Variants in ANAPC4 observed in about 807,000 individuals in gnomAD.
The protein encoded by ANAPC4 is anaphase-promoting complex subunit 4.
A neutral mutation model predicts 119.8 loss-of-function variants in ANAPC4; 63 were observed. That is an observed-to-expected ratio of 0.53 (90% CI 0.43 to 0.65). The LOEUF is 0.65. Ranked by LOEUF, ANAPC4 falls within the 30% of genes least tolerant of loss-of-function variation. The probability of loss-of-function intolerance (pLI) is 0.00; values close to 1 mark genes in which losing one functional copy is unlikely to be tolerated. For missense variants in ANAPC4, 716 were observed against 945.1 expected, an observed-to-expected ratio of 0.76 and a Z score of 3.18; for synonymous variants, 283 against 318.6, an observed-to-expected ratio of 0.89 and a Z score of 1.19.
chr4:25,392,495 A>G, intron 10 of ANAPC4, 74 bp downstream of exon 10: 1 of 1,346,504 alleles, frequency 7.4e-7, no homozygotes, highest in Admixed American at 1.9e-5. Flanking sequence ...AAAGCTTCAA[A>G]ATTTTGTTTT....
intron 7 of ANAPC4, 21 bp downstream of exon 7, chr4:25,388,903 A>T: frequency 6.4e-7 from 1 of 1,554,232 alleles, no homozygotes; most frequent in Non-Finnish European, 8.8e-7. Context: ...CAGATAAATA[A>T]GTCTAATTTC....
intron 18 of ANAPC4, 91 bp from the exon 19 acceptor site, chr4:25,406,738 T>TA (rs1723271145): frequency 6.0e-6 from 6 of 995,292 alleles, no homozygotes; most frequent in Middle Eastern, 5.9e-4. Flanking sequence ...TAGTAGATAG[T>TA]AAAAATGTCA....
Position 25,418,256 on chromosome 4 carries a change from G to C in ANAPC4, c.2301G>C (p.Lys767Asn). The C allele has an allele frequency of 6.2e-7, 1 of 1,614,064 alleles. No individual in the cohort carries two copies. Among genetic ancestry groups the C allele is most frequent in the Non-Finnish European group, 8.5e-7 (1 of 1,179,970 alleles). The change falls in exon 29 of 29, where the codon AAG becomes AAC. Residue 767 changes from lysine to asparagine, a missense_variant. Transcript: ENST00000315368. ...SSDEEEEASN[K>N]PVKIKEEVLS... ...ATGAAGAGGAGGAGGCCAGTAATAA[G>C]CCTGTAAAAATAAAGGAAGAAGTGT... is the stretch of plus-strand genomic sequence containing the variant.
Position 25,414,601 on chromosome 4 carries a change from G to T in ANAPC4, c.1727G>T (p.Trp576Leu). The T allele has an allele frequency of 6.5e-7, 1 of 1,548,664 alleles. No homozygotes were observed. The highest frequency in any genetic ancestry group is 8.7e-7 in the Non-Finnish European group (1 of 1,145,284). ...TRRLFKFPFL[W>L]NNKTSNLHYL... is the part of the protein sequence containing the mutation. ...ATTATGACAATTTTTTTTCTTAGGT[G>T]GAATAATAAAACTTCAAATCTACAT... The change falls in exon 25 of 29, where the codon TGG (tryptophan) becomes TTG (leucine). Residue 576 changes from tryptophan (W) to leucine (L), a missense_variant and splice_region_variant. Transcript: ENST00000315368.
intron 28 of ANAPC4, 180 bp from the exon 29 acceptor site, chr4:25,417,973 ACT>A: frequency 1.2e-6 from 1 of 836,064 alleles, no homozygotes; most frequent in East Asian, 2.7e-5. Context: ...CGAAATTGCC[ACT>A]GTTGTTATGT....
rs1245724348 is a variant in ANAPC4 at position 25,409,045 on chromosome 4, CACTT to C, written c.1432-650_1432-647del. Reference sequence around the variant, plus strand: ...CTACTACCTTGACTCTTGGCTGAGACACTTACAGCTTTCCCCACCATCAGTACAA... The same window carrying C: ...CTACTACCTTGACTCTTGGCTGAGACACAGCTTTCCCCACCATCAGTACAA... On this transcript the variant is annotated intron_variant, in intron 20 of 28. Transcript: ENST00000315368. Among the ~76,000 whole-genome samples, 5 of 152,158 alleles carry C rather than the reference CACTT, an allele frequency of 3.3e-5. 1 individual carries two copies. The highest frequency in any genetic ancestry group is 4.1e-4 in the South Asian group (2 of 4,828).
intron 21 of ANAPC4, among the ~76,000 whole-genome samples, chr4:25,411,096 A>G (rs561392215): frequency 3.3e-5 from 5 of 152,302 alleles, no homozygotes; most frequent in Admixed American, 2.0e-4. Context: ...GGCAGAACCT[A>G]TTATGTATTG....
chr4:25,411,561 G>C (rs1723567172), intron 21 of ANAPC4, among the ~76,000 whole-genome samples: 1 of 152,180 alleles, frequency 6.6e-6, no homozygotes, highest in Non-Finnish European at 1.5e-5. Context: ...GTGGGTAAAA[G>C]TTGGTGCTCT....
At chr4:25,406,260 G>A (rs1367314825) in intron 18 of ANAPC4, among the ~76,000 whole-genome samples, 1 of 152,214 alleles carries the variant, frequency 6.6e-6, no homozygotes, top group East Asian at 1.9e-4. Context: ...TGCACTGTGG[G>A]TGACTGGCCT....
intron 4 of ANAPC4, among the ~76,000 whole-genome samples, chr4:25,384,327 A>G (rs559738524): frequency 3.5e-4 from 54 of 152,278 alleles, no homozygotes; most frequent in African/African-American, 8.4e-4. Flanking sequence ...TGAACCCCTC[A>G]AAGTCATCCA....
chr4:25,384,913 G>A (rs1282044350), intron 4 of ANAPC4, among the ~76,000 whole-genome samples: 2 of 152,132 alleles, frequency 1.3e-5, no homozygotes, highest in African/African-American at 4.8e-5. Context: ...CTCTATCAGA[G>A]CTCTTGGGTG....
chr4:25,378,345 G>T (rs764822360), intron 2 of ANAPC4, among the ~76,000 whole-genome samples: 24 of 152,302 alleles, frequency 1.6e-4, no homozygotes, highest in Middle Eastern at 6.8e-3. Flanking sequence ...GAAACTAGGT[G>T]ATAAGGAAAT....
At chr4:25,382,444 G>C (rs568236588) in intron 3 of ANAPC4, among the ~76,000 whole-genome samples, 31 of 152,270 alleles carry the variant, frequency 2.0e-4, no homozygotes, top group Non-Finnish European at 3.4e-4. Flanking sequence ...ACTTTTATAA[G>C]TAAAGTTATG....
intron 2 of ANAPC4, among the ~76,000 whole-genome samples, chr4:25,379,713 A>G (rs1721609673): frequency 6.6e-6 from 1 of 152,188 alleles, no homozygotes; most frequent in South Asian, 2.1e-4. Context: ...GGTCAAATCC[A>G]GGGGATGTTG....
chr4:25,398,172 C>T (rs1722761371), intron 16 of ANAPC4, among the ~76,000 whole-genome samples: 1 of 152,040 alleles, frequency 6.6e-6, no homozygotes, highest in Non-Finnish European at 1.5e-5. Context: ...TTACATTTTT[C>T]ATATCTTTGT....
In ANAPC4 at chr4:25,409,800, T is replaced by C; in HGVS notation, c.1525+9T>C. ...TAGCAGCCACCTTAAAGGTACTTCA[T>C]GAACCAACCAGATTTTGGCCATTTT... On this transcript the variant is annotated intron_variant, in intron 21 of 28. Transcript: ENST00000315368. 6.2e-7 allele frequency: 1 copy of C among 1,606,988 alleles called. No homozygotes were observed. Among genetic ancestry groups the C allele is most frequent in the Non-Finnish European group, 8.5e-7 (1 of 1,174,842 alleles).
rs543616759 is a variant in ANAPC4 at position 25,377,456 on chromosome 4, C to T, written c.29C>T (p.Ser10Phe). MLRFPTCFP[S>F]FRVVGEKQLP... is the part of the protein sequence containing the mutation. The stretch of plus-strand genomic sequence containing the variant: ...TTGCGTTTTCCGACCTGTTTCCCAT[C>T]CTTCCGGGTGGTGGGAGAGAAGCAG... Residue 10 changes from serine to phenylalanine, a missense_variant, in exon 2 of 29, where the codon TCC (serine) becomes TTC (phenylalanine). By Grantham distance (155) the Ser-to-Phe change is radical. Around this residue, in one of 3 missense-constraint regions of ANAPC4, gnomAD observed 202 missense variants for 293.5 expected, o/e 0.69. Coordinates refer to ENST00000315368, the MANE Select transcript of ANAPC4 (RefSeq NM_013367.3). 3.7e-6 allele frequency: 6 copies of T among 1,614,146 alleles called. No homozygotes were observed. The South Asian group carries it at 4.4e-5, about 12-fold the overall frequency.
rs753054846 is a variant in ANAPC4 at position 25,380,396 on chromosome 4, G to C, written c.152G>C (p.Ser51Thr). The change falls in exon 3 of 29, where the codon AGT (serine) becomes ACT (threonine). Residue 51 changes from serine to threonine, a missense_variant. By Grantham distance (58) the Ser-to-Thr change is moderately conservative (BLOSUM62 1). This residue lies in a region of ANAPC4 where 202 missense variants were observed against 293.5 expected (regional missense o/e 0.69). Transcript: ENST00000315368. ...TAGGTTTTACTTCATCGACTGGCAA[G>C]TTTTCATCGAGTTTGGAGTTTTCCA... ...AGEVLLHRLA[S>T]FHRVWSFPPN... The C allele has an allele frequency of 2.5e-6, 4 of 1,613,080 alleles. No homozygotes were observed. The South Asian group carries it at 4.4e-5, about 18-fold the overall frequency.
intron 21 of ANAPC4, among the ~76,000 whole-genome samples, chr4:25,410,840 C>T (rs540377506): frequency 6.4e-4 from 98 of 152,178 alleles, no homozygotes; most frequent in Admixed American, 1.4e-3. Flanking sequence ...AAATGAATTT[C>T]GTGTTTAGAC....
Sources: gnomAD v4.1 joint callset for allele counts (sites outside exome capture counted in the v4.1 genomes callset) on GRCh38, gnomAD v4.1.1 for gene constraint, gnomAD v4.1.1 regional missense constraint, MANE v1.5 for transcripts, NCBI Gene and HGNC (gene_info 2026-07-23, HGNC 2026-07-21) for gene names.